The following SNX6 variants were observed in gnomAD, a reference collection of about 807,000 sequenced individuals.
The protein encoded by SNX6 is sorting nexin-6.
A neutral mutation model predicts 63.0 loss-of-function variants in SNX6; 34 were observed. The observed-to-expected ratio is 0.54, with a 90% CI of 0.41 to 0.72. SNX6 has a LOEUF of 0.72. Ranked by LOEUF, SNX6 falls within the 30% of genes least tolerant of loss-of-function variation. The pLI, the probability that SNX6 is intolerant of heterozygous loss-of-function variation, is 0.00. For missense variants in SNX6, 398 were observed against 471.4 expected (o/e 0.84, Z 1.44); for synonymous variants, 170 against 164.2 (o/e 1.04, Z -0.27).
intron 8 of SNX6, 24 bp downstream of exon 8, chr14:34,593,021 G>C: frequency 7.0e-7 from 1 of 1,426,882 alleles, no homozygotes. Context: ...AAAGATATAA[G>C]CTTTAGCCAC....
chr14:34,623,919 A>C (rs544131473), intron 2 of SNX6, among the ~76,000 whole-genome samples: 1 of 152,330 alleles, frequency 6.6e-6, no homozygotes, highest in South Asian at 2.1e-4. Context: ...TAACAAGCAC[A>C]TCAGAAAAAA....
rs917864990 is a variant in SNX6, at chr14:34,592,388, GA to G, written c.718+656del. ...TGGGCGATAGAGACTCTGTCTCAAA[GA>G]AAAAAAAAAGAGCAAGTGCATGGCC... On this transcript the variant is annotated intron_variant, in intron 8 of 13. Transcript: ENST00000362031. Among the ~76,000 whole-genome samples the G allele has an allele frequency of 6.2e-4, 91 of 146,966 alleles. 1 individual carries two copies. Among genetic ancestry groups the G allele is most frequent in the African/African-American group, 1.9e-3 (78 of 40,162 alleles).
intron 10 of SNX6, 34 bp from the exon 11 acceptor site, chr14:34,575,876 A>G: frequency 1.6e-6 from 2 of 1,253,548 alleles, no homozygotes; most frequent in Non-Finnish European, 2.3e-6. Context: ...TATTTAATCA[A>G]CAACTACATT....
chr14:34,567,273 G>C (rs1288880274), intron 13 of SNX6, among the ~76,000 whole-genome samples: 1 of 151,814 alleles, frequency 6.6e-6, no homozygotes, highest in Non-Finnish European at 1.5e-5. Context: ...GATCATTTGA[G>C]GACGGGATTT....
intron 7 of SNX6, among the ~76,000 whole-genome samples, chr14:34,594,003 C>T (rs1482053315): frequency 6.6e-6 from 1 of 152,150 alleles, no homozygotes; most frequent in Non-Finnish European, 1.5e-5. Context: ...GGATTACAGG[C>T]ATGAGCCACC....
In SNX6 at chr14:34,605,454, T is replaced by C. The variant is rs190156313; in HGVS notation, c.392+142A>G. 3 of 609,936 alleles carry C rather than the reference T, an allele frequency of 4.9e-6. No individual in the cohort carries two copies. In the African/African-American group the frequency reaches 5.6e-5, roughly 11 times the overall value. The allele number at this position is 609,936 out of a possible 1,614,324, so 37.8% of individuals were successfully genotyped here. ...TCTGATCATGATCATTAATACTGGT[T>C]GTATGACTTAAACCTGCATCTTCCA... On this transcript the variant is annotated intron_variant, in intron 5 of 13. Transcript: ENST00000362031.
At chr14:34,616,111 A>C (rs1243142190) in intron 2 of SNX6, among the ~76,000 whole-genome samples, 2 of 152,008 alleles carry the variant, frequency 1.3e-5, no homozygotes, top group African/African-American at 4.8e-5. Flanking sequence ...ATGTGCCACC[A>C]CACCCAGCTA....
At chr14:34,568,896 C>T (rs1881314326) in intron 11 of SNX6, 2 of 1,226,900 alleles carry the variant, frequency 1.6e-6, no homozygotes, top group Non-Finnish European at 1.2e-6. Context: ...CCCCATAGAT[C>T]TTGGTCATGG....
At chr14:34,627,043 C>G (rs1222179235) in intron 2 of SNX6, among the ~76,000 whole-genome samples, 1 of 152,094 alleles carries the variant, frequency 6.6e-6, no homozygotes, top group Non-Finnish European at 1.5e-5. Context: ...GAGACAGGAC[C>G]TCACTCTGTC....
At position 34,630,091 on chromosome 14, in the gene SNX6, G is replaced by A. The variant is rs1277464211; in HGVS notation, c.6+20C>T. Reference sequence around the variant, plus strand: ...GCCCCCACCGCGCTCCCGGGACTCGGCGCCGCGGAGAACACCCACCATCAT... The same window carrying A: ...GCCCCCACCGCGCTCCCGGGACTCGACGCCGCGGAGAACACCCACCATCAT... On this transcript the variant is annotated intron_variant, in intron 1 of 13. Transcript: ENST00000362031. The A allele has an allele frequency of 3.5e-6, 5 of 1,448,972 alleles. No individual in the cohort carries two copies. The highest frequency in any genetic ancestry group is 4.5e-6 in the Non-Finnish European group (5 of 1,111,264). The allele number at this position is 1,448,972 out of a possible 1,614,324, so 89.8% of individuals were successfully genotyped here. A position where few individuals can be genotyped will look rare whatever the true frequency, so the allele number is the denominator to read the frequency against.
At chr14:34,566,645 TTTAA>T (rs561481574) in intron 13 of SNX6, among the ~76,000 whole-genome samples, 222 of 152,392 alleles carry the variant, frequency 1.5e-3, no homozygotes, top group African/African-American at 4.8e-3. Flanking sequence ...TTATTTTTAC[TTTAA>T]TTAAATAATC....
At chr14:34,586,652 G>A (rs1882168592) in intron 8 of SNX6, among the ~76,000 whole-genome samples, 1 of 151,974 alleles carries the variant, frequency 6.6e-6, no homozygotes, top group Non-Finnish European at 1.5e-5. Flanking sequence ...AGGTTGCAGT[G>A]AGCCAAGATC....
chr14:34,566,460 G>A (rs1328123574), intron 13 of SNX6, among the ~76,000 whole-genome samples: 2 of 151,662 alleles, frequency 1.3e-5, no homozygotes, highest in South Asian at 2.1e-4. Context: ...TAATCCACCC[G>A]GTCTTGGCCT....
chr14:34,572,134 G>T (rs1208686308), intron 11 of SNX6, among the ~76,000 whole-genome samples: 3 of 152,158 alleles, frequency 2.0e-5, no homozygotes, highest in Non-Finnish European at 4.4e-5. Context: ...AAGTTGGTAT[G>T]TATCTTTGCC....
intron 6 of SNX6, among the ~76,000 whole-genome samples, chr14:34,599,470 C>T (rs998887230): frequency 1.2e-4 from 18 of 151,994 alleles, no homozygotes; most frequent in Middle Eastern, 3.4e-3. Context: ...AGCTGGGCGT[C>T]GTGGCATCCG....
chr14:34,582,461 C>G (rs538135784), intron 9 of SNX6, among the ~76,000 whole-genome samples: 1 of 152,112 alleles, frequency 6.6e-6, no homozygotes, highest in Admixed American at 6.6e-5. Flanking sequence ...CCCGCAGTGG[C>G]CTCCCAAACT....
chr14:34,628,757 G>A (rs1883924383), intron 2 of SNX6, among the ~76,000 whole-genome samples: 1 of 152,172 alleles, frequency 6.6e-6, no homozygotes, highest in Non-Finnish European at 1.5e-5. Flanking sequence ...ACTAACAGAT[G>A]TCTCTCTCAC....
At chr14:34,598,664 T>G (rs750988030) in intron 6 of SNX6, among the ~76,000 whole-genome samples, 3 of 152,216 alleles carry the variant, frequency 2.0e-5, no homozygotes, top group Admixed American at 6.5e-5. Context: ...ATTACAGGCA[T>G]GAGCCATCAC....
At chr14:34,581,123 G>A (rs1343777079) in intron 10 of SNX6, among the ~76,000 whole-genome samples, 1 of 152,142 alleles carries the variant, frequency 6.6e-6, no homozygotes, top group African/African-American at 2.4e-5. Context: ...CACATGCAGA[G>A]ATTTAAATCG....
Sources: gnomAD v4.1 joint callset for allele counts (sites outside exome capture counted in the v4.1 genomes callset) on GRCh38, gnomAD v4.1.1 for gene constraint, MANE v1.5 for transcripts, NCBI Gene and HGNC (gene_info 2026-07-23, HGNC 2026-07-21) for gene names.